DIS3L2: variants seen among roughly 807,000 people sequenced by gnomAD.
DIS3L2 encodes the protein DIS3 like 3'-5' exoribonuclease 2.
In DIS3L2, 34 loss-of-function variants were observed where a neutral mutation model predicts 97.5. The ratio of observed to expected loss-of-function variants is 0.35; its 90% CI spans 0.27 to 0.46. The LOEUF (loss-of-function observed/expected upper bound fraction) is 0.46. Among genes scored for constraint, DIS3L2 ranks in the 20% least tolerant of loss-of-function variants. The probability of loss-of-function intolerance (pLI) is 1.00; values close to 1 mark genes in which losing one functional copy is unlikely to be tolerated. For synonymous variants in DIS3L2, 435 were observed against 445.2 expected (o/e 0.98, Z 0.29); for missense variants, 1,038 against 1,146.0 (o/e 0.91, Z 1.36).
intron 6 of DIS3L2, among the ~76,000 whole-genome samples, chr2:232,125,334 C>G (rs1432162975): frequency 6.6e-6 from 1 of 152,234 alleles, no homozygotes; most frequent in African/African-American, 2.4e-5. Context: ...CATCAATATT[C>G]AGGATGCTCA....
intron 12 of DIS3L2, chr2:232,260,466 T>C (rs886698120): frequency 1.3e-5 from 2 of 152,278 alleles, no homozygotes; most frequent in Admixed American, 1.3e-4. Context: ...ACTCTACAGT[T>C]GCTTTTGCCC....
At chr2:232,102,799 G>A (rs762427250) in intron 6 of DIS3L2, among the ~76,000 whole-genome samples, 4 of 152,116 alleles carry the variant, frequency 2.6e-5, no homozygotes, top group Non-Finnish European at 5.9e-5. Flanking sequence ...CCCATCTTTG[G>A]CCCTGAAGTA....
intron 14 of DIS3L2, among the ~76,000 whole-genome samples, chr2:232,302,759 C>T (rs994599082): frequency 1.3e-5 from 2 of 151,890 alleles, no homozygotes; most frequent in African/African-American, 4.8e-5. Context: ...TGGGGTTTCA[C>T]CATATTGGCG....
intron 10 of DIS3L2, among the ~76,000 whole-genome samples, chr2:232,224,588 C>T (rs1022336970): frequency 6.6e-6 from 1 of 152,062 alleles, no homozygotes; most frequent in African/African-American, 2.4e-5. Context: ...TCCATAATCC[C>T]ACCACTTTGG....
chr2:232,022,142 C>G (rs1486634129), intron 3 of DIS3L2, among the ~76,000 whole-genome samples: 1 of 152,148 alleles, frequency 6.6e-6, no homozygotes, highest in African/African-American at 2.4e-5. Flanking sequence ...TAAATGCCAG[C>G]TGCTTCTCTC....
intron 9 of DIS3L2, among the ~76,000 whole-genome samples, chr2:232,192,736 C>G (rs767448232): frequency 2.0e-5 from 3 of 152,178 alleles, no homozygotes; most frequent in African/African-American, 4.8e-5. Flanking sequence ...AAAGCCAGGA[C>G]GAGTTAGCCA....
At chr2:232,267,602 A>G (rs1013627208) in intron 13 of DIS3L2, among the ~76,000 whole-genome samples, 1 of 152,158 alleles carries the variant, frequency 6.6e-6, no homozygotes, top group Non-Finnish European at 1.5e-5. Context: ...AGACTTTTTT[A>G]TGTTTGTAGT....
At chr2:232,079,317 C>A (rs189395036) in intron 5 of DIS3L2, among the ~76,000 whole-genome samples, 3 of 151,844 alleles carry the variant, frequency 2.0e-5, no homozygotes, top group African/African-American at 7.3e-5. Context: ...CTGGATAAGG[C>A]CAGGCGCAGT....
At chr2:231,980,147 T>C (rs539161496) in intron 1 of DIS3L2, among the ~76,000 whole-genome samples, 28 of 152,326 alleles carry the variant, frequency 1.8e-4, no homozygotes, top group African/African-American at 6.7e-4. Context: ...ACATTTCTCA[T>C]CTATTTTGGG....
intron 14 of DIS3L2, 35 bp from the exon 15 acceptor site, chr2:232,329,778 C>T (rs758837186): frequency 6.7e-6 from 8 of 1,195,576 alleles, no homozygotes; most frequent in Non-Finnish European, 8.1e-6. Flanking sequence ...TCCCCAAACC[C>T]CAGCGGTCCC....
chr2:232,056,246 C>T (rs572251603), intron 5 of DIS3L2, among the ~76,000 whole-genome samples: 45 of 152,178 alleles, frequency 3.0e-4, no homozygotes, highest in African/African-American at 1.1e-3. Flanking sequence ...TGGTGTGTGC[C>T]TGTAGTCACA....
chr2:232,086,775 G>A (rs908155725), intron 5 of DIS3L2, among the ~76,000 whole-genome samples: 1 of 149,750 alleles, frequency 6.7e-6, no homozygotes, highest in African/African-American at 2.5e-5. Context: ...CGCCTCCTGG[G>A]TTCACACCAT....
chr2:232,209,108 G>A (rs570266691), intron 9 of DIS3L2, among the ~76,000 whole-genome samples: 37 of 152,254 alleles, frequency 2.4e-4, no homozygotes, highest in Non-Finnish European at 5.1e-4. Flanking sequence ...AGAATTGATG[G>A]CGCATCTTAT....
At chr2:232,291,341 A>G (rs1694593411) in intron 13 of DIS3L2, among the ~76,000 whole-genome samples, 2 of 152,400 alleles carry the variant, frequency 1.3e-5, no homozygotes, top group African/African-American at 4.8e-5. Context: ...AGATTTTTCT[A>G]TTAAAAACCA....
intron 6 of DIS3L2, among the ~76,000 whole-genome samples, chr2:232,126,795 CT>C (rs1208944524): frequency 2.2e-4 from 33 of 152,198 alleles, no homozygotes; most frequent in African/African-American, 6.8e-4. Flanking sequence ...TATTTCCCCC[CT>C]ATTCTAGTTC....
intron 6 of DIS3L2, among the ~76,000 whole-genome samples, chr2:232,118,552 A>G (rs1236112115): frequency 6.6e-6 from 1 of 152,162 alleles, no homozygotes; most frequent in Admixed American, 6.5e-5. Context: ...TTGCAACCCC[A>G]CAACAGTCTT....
intron 9 of DIS3L2, among the ~76,000 whole-genome samples, chr2:232,167,122 T>C (rs768163246): frequency 9.2e-5 from 14 of 152,214 alleles, no homozygotes; most frequent in Non-Finnish European, 1.9e-4. Context: ...TGCATTTAAA[T>C]TTTTTCTAAT....
intron 1 of DIS3L2, among the ~76,000 whole-genome samples, chr2:231,984,359 G>GC (rs1693348975): frequency 6.6e-6 from 1 of 150,550 alleles, no homozygotes; most frequent in South Asian, 2.1e-4. Flanking sequence ...GGAGTGAGTG[G>GC]CGTGATCTGG....
intron 3 of DIS3L2, among the ~76,000 whole-genome samples, chr2:232,017,728 G>C (rs1214490721): frequency 1.3e-5 from 2 of 152,132 alleles, no homozygotes; most frequent in African/African-American, 4.8e-5. Context: ...TGCTGTTCCT[G>C]GTGCTTGGAA....
Sources: allele counts gnomAD v4.1 joint callset (sites outside exome capture counted in the v4.1 genomes callset), GRCh38; gene constraint gnomAD v4.1.1; transcripts MANE v1.5; gene names NCBI Gene and HGNC (gene_info 2026-07-23, HGNC 2026-07-21).